The following GAB2 variants were observed in gnomAD, a reference collection of about 807,000 sequenced individuals.
GAB2 encodes the protein GRB2-associated-binding protein 2.
Under a neutral mutation model 65.5 loss-of-function variants are expected in GAB2, and 26 were observed. The observed-to-expected ratio is 0.40, with a 90% CI of 0.29 to 0.55. The LOEUF (loss-of-function observed/expected upper bound fraction) is 0.55. Ranked by LOEUF, GAB2 falls within the 20% of genes least tolerant of loss-of-function variation. The pLI, the probability that GAB2 is intolerant of heterozygous loss-of-function variation, is 0.53. For missense variants in GAB2, 884 were observed against 875.8 expected, an observed-to-expected ratio of 1.01 and a Z score of -0.12; for synonymous variants, 321 against 329.6, an observed-to-expected ratio of 0.97 and a Z score of 0.28.
At position 78,220,405 on chromosome 11, in the gene GAB2, T is replaced by C. The variant is rs1464424540; in HGVS notation, c.1801A>G (p.Asn601Asp). 5.0e-6 allele frequency: 8 copies of C among 1,598,988 alleles called. No homozygotes were observed. In the South Asian group the frequency reaches 8.8e-5, roughly 18 times the overall value. ...GTGCTCTTCTTAGGGGCAGGACTGTTCGTGCCACTGGGAACGGGAGATGCA... is the reference window on the plus strand; with the variant it reads ...GTGCTCTTCTTAGGGGCAGGACTGTCCGTGCCACTGGGAACGGGAGATGCA... ...VSASPVPSGTNSPAPKKSTGS... is the reference protein window; with the variant it reads ...VSASPVPSGTDSPAPKKSTGS... The change falls in exon 9 of 10, where the codon AAC becomes GAC. Residue 601 changes from asparagine (N) to aspartate (D), a missense_variant. Physicochemically the swap from Asn to Asp is conservative, Grantham distance 23 (BLOSUM62 1). Coordinates refer to ENST00000361507, the MANE Select transcript of GAB2 (RefSeq NM_080491.3).
intron 1 of GAB2, among the ~76,000 whole-genome samples, chr11:78,336,480 G>GTTTTT (rs59349951): frequency 7.8e-6 from 1 of 127,636 alleles, no homozygotes; most frequent in African/African-American, 2.8e-5. Flanking sequence ...AATAGTTGTT[G>GTTTTT]TTTTTTTTTT....
chr11:78,229,648 A>T (rs896857353), intron 3 of GAB2, among the ~76,000 whole-genome samples: 1 of 152,184 alleles, frequency 6.6e-6, no homozygotes, highest in Non-Finnish European at 1.5e-5. Context: ...TTCCCAGTGT[A>T]AACATTTTCA....
intron 1 of GAB2, among the ~76,000 whole-genome samples, chr11:78,395,479 T>A (rs562537996): frequency 1.3e-3 from 202 of 152,326 alleles, no homozygotes; most frequent in Admixed American, 3.4e-3. Context: ...GTCTACCTTT[T>A]CCCACTTCAT....
chr11:78,301,808 G>C (rs892753492), intron 1 of GAB2, among the ~76,000 whole-genome samples: 1 of 152,160 alleles, frequency 6.6e-6, no homozygotes, highest in African/African-American at 2.4e-5. Context: ...TAAGGCTATA[G>C]TCATTAAACA....
intron 3 of GAB2, among the ~76,000 whole-genome samples, chr11:78,228,914 G>T (rs7115247): frequency 6.6e-6 from 1 of 152,012 alleles, no homozygotes; most frequent in Non-Finnish European, 1.5e-5. Context: ...TGCTTTTTTT[G>T]GAATTTCCAA....
chr11:78,292,490 C>T (rs1302161653), intron 1 of GAB2, among the ~76,000 whole-genome samples: 5 of 152,210 alleles, frequency 3.3e-5, no homozygotes, highest in Non-Finnish European at 2.9e-5. Context: ...TGTCAACTCT[C>T]AGGTGGTGAT....
rs376658924 is a variant in GAB2 at position 78,384,342 on chromosome 11, T to TGGGGGG, written c.75+33303_75+33304insCCCCCC. Among the ~76,000 whole-genome samples, 669 of 152,328 alleles carry TGGGGGG rather than the reference T, an allele frequency of 4.4e-3. 4 individuals are homozygous for TGGGGGG. The highest frequency in any genetic ancestry group is 0.016 in the African/African-American group (646 of 41,572). On this transcript the variant is annotated intron_variant, in intron 1 of 9. Transcript: ENST00000361507. ...GCACACAAATCGAGTGTCTCAGTCC[T>TGGGGGG]GGGAGTGCTTGCAGGCACTTCCGGA...
At chr11:78,358,055 T>G (rs372938376) in intron 1 of GAB2, among the ~76,000 whole-genome samples, 2 of 152,022 alleles carry the variant, frequency 1.3e-5, no homozygotes, top group Non-Finnish European at 2.9e-5. Context: ...CAAATGTCCA[T>G]CAATGATAGA....
rs1187061845 is a variant in GAB2 at position 78,217,416 on chromosome 11, C to T, written c.*1856G>A. The T allele has an allele frequency of 6.6e-6, 1 of 152,148 alleles. No individual in the cohort carries two copies. Among genetic ancestry groups the T allele is most frequent in the African/African-American group, 2.4e-5 (1 of 41,408 alleles). The allele number at this position is 152,148 out of a possible 1,614,324, so 9.4% of individuals were successfully genotyped here. ...CAGCTCTTGAAGAAATAACTTCTTC[C>T]AGGATGGGACTTAGAGAATGGCTAG... is the stretch of plus-strand genomic sequence containing the variant. On this transcript the variant is annotated 3_prime_UTR_variant, in exon 10 of 10. Coordinates refer to ENST00000361507, the MANE Select transcript of GAB2 (RefSeq NM_080491.3).
intron 1 of GAB2, among the ~76,000 whole-genome samples, chr11:78,332,290 A>G (rs987781752): frequency 1.3e-5 from 2 of 152,212 alleles, no homozygotes; most frequent in African/African-American, 2.4e-5. Flanking sequence ...CCTGGTTTTT[A>G]AAGAAGTGAC....
chr11:78,262,740 A>G (rs965827142), intron 2 of GAB2, among the ~76,000 whole-genome samples: 3 of 152,172 alleles, frequency 2.0e-5, no homozygotes, highest in African/African-American at 7.2e-5. Context: ...GCAGTCCAAA[A>G]GGGAGAGTTG....
intron 1 of GAB2, among the ~76,000 whole-genome samples, chr11:78,353,221 A>G (rs1353952643): frequency 6.6e-6 from 1 of 152,184 alleles, no homozygotes; most frequent in Non-Finnish European, 1.5e-5. Flanking sequence ...TGGGCGGATC[A>G]CTTGAGATCA....
At chr11:78,273,922 G>C (rs1324635821) in intron 2 of GAB2, among the ~76,000 whole-genome samples, 2 of 152,106 alleles carry the variant, frequency 1.3e-5, no homozygotes, top group Admixed American at 6.5e-5. Flanking sequence ...ACTGATATAA[G>C]ACATGACTTG....
At chr11:78,406,077 C>A (rs2135088518) in intron 1 of GAB2, among the ~76,000 whole-genome samples, 1 of 152,282 alleles carries the variant, frequency 6.6e-6, no homozygotes, top group East Asian at 1.9e-4. Context: ...TCAAAGAAAG[C>A]CAAGTAGAAA....
At chr11:78,354,456 C>G (rs1432699771) in intron 1 of GAB2, among the ~76,000 whole-genome samples, 1 of 151,816 alleles carries the variant, frequency 6.6e-6, no homozygotes, top group African/African-American at 2.4e-5. Flanking sequence ...TATATACATA[C>G]AGAATTGCTG....
At chr11:78,339,482 C>T (rs751677734) in intron 1 of GAB2, among the ~76,000 whole-genome samples, 48 of 152,124 alleles carry the variant, frequency 3.2e-4, no homozygotes, top group African/African-American at 7.7e-4. Context: ...TCTGGAGAGC[C>T]GCTTATGCCC....
intron 1 of GAB2, among the ~76,000 whole-genome samples, chr11:78,346,460 G>C (rs1012728033): frequency 6.6e-6 from 1 of 151,708 alleles, no homozygotes; most frequent in Non-Finnish European, 1.5e-5. Context: ...ATAGGAAATC[G>C]AACTTCATAG....
chr11:78,309,480 T>G (rs1179774599), intron 1 of GAB2, among the ~76,000 whole-genome samples: 1 of 140,166 alleles, frequency 7.1e-6, no homozygotes, highest in South Asian at 2.4e-4. Flanking sequence ...TTTTTTTTTT[T>G]TTAAATTGAG....
intron 3 of GAB2, among the ~76,000 whole-genome samples, chr11:78,233,454 T>C (rs60532978): frequency 0.03 from 4,575 of 152,292 alleles, 207 homozygotes; most frequent in African/African-American, 0.1. Flanking sequence ...CATTCCTATA[T>C]CTTTTTTTGT....
Sources: allele counts gnomAD v4.1 joint callset (sites outside exome capture counted in the v4.1 genomes callset), GRCh38; gene constraint gnomAD v4.1.1; transcripts MANE v1.5; gene names NCBI Gene and HGNC (gene_info 2026-07-23, HGNC 2026-07-21).